ANKMY1: variants seen among roughly 807,000 people sequenced by gnomAD.
ANKMY1 encodes the protein ankyrin repeat and MYND domain-containing protein 1.
Under a neutral mutation model 102.0 loss-of-function variants are expected in ANKMY1, and 98 were observed. That is an observed-to-expected ratio of 0.96 (90% confidence interval 0.82 to 1.14). The LOEUF (loss-of-function observed/expected upper bound fraction) is 1.14, where lower values mean the gene tolerates loss of function less well. Among genes scored for constraint, ANKMY1 ranks in the 50% most tolerant of loss-of-function variants. The probability of loss-of-function intolerance (pLI) is 0.00; values close to 1 mark genes in which losing one functional copy is unlikely to be tolerated. For synonymous variants in ANKMY1, 582 were observed against 559.9 expected (o/e 1.04, Z -0.56); for missense variants, 1,330 against 1,347.6 (o/e 0.99, Z 0.20).
chr2:240,521,128 AG>A (rs1412426121), intron 8 of ANKMY1, among the ~76,000 whole-genome samples: 1 of 146,980 alleles, frequency 6.8e-6, no homozygotes, highest in Non-Finnish European at 1.5e-5. Context: ...CGCAGGGCTG[AG>A]GGAGGAGGGG....
At chr2:240,482,046 C>T in intron 16 of ANKMY1, 137 bp downstream of exon 16, 2 of 926,168 alleles carry the variant, frequency 2.2e-6, no homozygotes. Flanking sequence ...GCAGGACTTC[C>T]TAGAGGAGGC....
intron 10 of ANKMY1, 42 bp downstream of exon 10, chr2:240,512,760 G>A: frequency 1.9e-6 from 3 of 1,576,910 alleles, no homozygotes; most frequent in Non-Finnish European, 2.6e-6. Flanking sequence ...AGGCACACCT[G>A]GCCAAGGCCC....
rs1374980450 is a variant in ANKMY1, at chr2:240,479,547, G to A, written c.*62C>T. On this transcript the variant is annotated 3_prime_UTR_variant, in exon 18 of 18. Transcript: ENST00000401804. ...CTGGAAGATTCCCTGAGGTGGCTCA[G>A]GCAGGTAAGAAACCCACACAGTCCT... The A allele has an allele frequency of 1.3e-6, 2 of 1,576,060 alleles. No homozygotes were observed. The highest frequency in any genetic ancestry group is 1.7e-6 in the Non-Finnish European group (2 of 1,146,950).
chr2:240,512,370 A>G (rs1252414248), intron 10 of ANKMY1, among the ~76,000 whole-genome samples: 1 of 152,218 alleles, frequency 6.6e-6, no homozygotes, highest in Non-Finnish European at 1.5e-5. Flanking sequence ...GAAGGAAGAC[A>G]TGGCCTTGCG....
At chr2:240,545,233 C>A (rs1206120862) in intron 4 of ANKMY1, among the ~76,000 whole-genome samples, 2 of 152,156 alleles carry the variant, frequency 1.3e-5, no homozygotes, top group Non-Finnish European at 2.9e-5. Context: ...CTGGGAGGCA[C>A]CCCCCAGCAG....
At chr2:240,494,018 C>T (rs897906043) in intron 15 of ANKMY1, among the ~76,000 whole-genome samples, 4 of 152,110 alleles carry the variant, frequency 2.6e-5, no homozygotes, top group African/African-American at 9.7e-5. Context: ...TCCAGGCCTG[C>T]AAGTGGTGCT....
At position 240,529,389 on chromosome 2, in the gene ANKMY1, C is replaced by T. The variant is rs766477062; in HGVS notation, c.601G>A (p.Gly201Ser). The T allele has an allele frequency of 4.6e-5, 75 of 1,614,016 alleles. No individual in the cohort carries two copies. The highest frequency in any genetic ancestry group is 6.0e-5 in the Non-Finnish European group (71 of 1,180,048). Residue 201 changes from glycine to serine, a missense_variant, in exon 5 of 18, where the codon GGC becomes AGC. Transcript: ENST00000401804. The surrounding 1 kb of genome is among the most constrained non-coding windows in gnomAD (Gnocchi z 4.2). Reference protein sequence around the residue: ...LIKLCTQIPSGFSLLRYPEFS... With the variant: ...LIKLCTQIPSSFSLLRYPEFS... ...TCAGGGTATCTGAGGAGGGAGAAGC[C>T]ACTGGGGATCTGGGTGCACAGCTTG...
chr2:240,552,027 C>A (rs897668451), intron 4 of ANKMY1, among the ~76,000 whole-genome samples: 1 of 152,222 alleles, frequency 6.6e-6, no homozygotes, highest in Non-Finnish European at 1.5e-5. Flanking sequence ...CTTTGTTCAC[C>A]GTGACTGCTT....
intron 13 of ANKMY1, among the ~76,000 whole-genome samples, chr2:240,505,567 G>A (rs567140233): frequency 9.9e-5 from 15 of 152,244 alleles, no homozygotes; most frequent in Admixed American, 4.6e-4. Context: ...GAAGAGAAAC[G>A]TGTCCATTGG....
chr2:240,483,778 T>C (rs2075726622), intron 15 of ANKMY1, among the ~76,000 whole-genome samples: 1 of 152,202 alleles, frequency 6.6e-6, no homozygotes, highest in South Asian at 2.1e-4. Context: ...AGTGGTTTGC[T>C]GCACCCATCA....
At chr2:240,483,348 G>A (rs548385997) in intron 15 of ANKMY1, among the ~76,000 whole-genome samples, 8 of 152,012 alleles carry the variant, frequency 5.3e-5, no homozygotes, top group Non-Finnish European at 1.0e-4. Flanking sequence ...GTAGAGACAG[G>A]GTTTCACCGT....
At chr2:240,484,656 G>A (rs2151869606) in intron 15 of ANKMY1, among the ~76,000 whole-genome samples, 1 of 152,262 alleles carries the variant, frequency 6.6e-6, no homozygotes, top group South Asian at 2.1e-4. Flanking sequence ...AAGACTTCAT[G>A]ACTAAAACAC....
intron 15 of ANKMY1, among the ~76,000 whole-genome samples, chr2:240,485,829 A>AGCGT (rs2075997805): frequency 1.3e-5 from 2 of 152,258 alleles, no homozygotes; most frequent in Non-Finnish European, 2.9e-5. Context: ...CTGGGCTCAA[A>AGCGT]TAATTCTTCT....
Position 240,544,673 on chromosome 2 carries a change from G to A in ANKMY1, c.480+8241C>T, listed in dbSNP as rs867450635. Among the ~76,000 whole-genome samples, 24 of 151,894 alleles carry A rather than the reference G, an allele frequency of 1.6e-4. 1 individual carries two copies. The highest frequency in any genetic ancestry group is 6.2e-4 in the South Asian group (3 of 4,822). Reference sequence around the variant, plus strand: ...CGCGCACTGTGCGCAAGCCGAAGCCGGGCGAGGCATTGCCTCACTCAGGAA... The same window carrying A: ...CGCGCACTGTGCGCAAGCCGAAGCCAGGCGAGGCATTGCCTCACTCAGGAA... On this transcript the variant is annotated intron_variant, in intron 4 of 17. Coordinates refer to ENST00000401804, the MANE Select transcript of ANKMY1 (RefSeq NM_001282771.3).
chr2:240,470,894 G>C, the ANKMY1 span, among the ~76,000 whole-genome samples: 1 of 152,186 alleles, frequency 6.6e-6, no homozygotes, highest in Non-Finnish European at 1.5e-5. Flanking sequence ...AAAACAAAGT[G>C]AGAGGCTTCA....
chr2:240,499,873 G>T lies in ANKMY1; in HGVS notation c.2806+85C>A. On this transcript the variant is annotated intron_variant, in intron 15 of 17. Transcript: ENST00000401804. The surrounding 1 kb of genome is among the most constrained non-coding windows in gnomAD (Gnocchi z 4.2). ...AAGGCCCCTCCAAGAGCCCCAGGGG[G>T]TCCAGATCTCCAGGGATAACAGCCC... 2.0e-6 allele frequency: 3 copies of T among 1,468,830 alleles called. No individual in the cohort carries two copies. Among genetic ancestry groups the T allele is most frequent in the Non-Finnish European group, 2.7e-6 (3 of 1,100,032 alleles). The allele number at this position is 1,468,830 out of a possible 1,614,324, so 91.0% of individuals were successfully genotyped here.
chr2:240,529,427 C>G lies in ANKMY1; in HGVS notation c.563G>C (p.Arg188Pro), dbSNP rs752810908. 1.4e-5 allele frequency: 23 copies of G among 1,613,970 alleles called. No homozygotes were observed. The highest frequency in any genetic ancestry group is 1.9e-5 in the Non-Finnish European group (23 of 1,180,026). ...GGTGCACAGCTTGATGAGCTGCTCT[C>G]GGAACCACAGCCCCACGTCCTGGCT... Reference protein sequence around the residue: ...DGSQDVGLWFREQLIKLCTQI... With the variant: ...DGSQDVGLWFPEQLIKLCTQI... The change falls in exon 5 of 18, where the codon CGA becomes CCA. Residue 188 changes from arginine to proline, a missense_variant. Coordinates refer to ENST00000401804, the MANE Select transcript of ANKMY1 (RefSeq NM_001282771.3). The surrounding 1 kb of genome is among the most constrained non-coding windows in gnomAD (Gnocchi z 4.2).
At chr2:240,496,628 G>A (rs914799972) in intron 15 of ANKMY1, among the ~76,000 whole-genome samples, 3 of 152,160 alleles carry the variant, frequency 2.0e-5, no homozygotes, top group Non-Finnish European at 2.9e-5. Flanking sequence ...AAGCTTCTGA[G>A]GTTCCTTCTC....
chr2:240,508,323 G>T (rs2079469295), intron 12 of ANKMY1, among the ~76,000 whole-genome samples: 1 of 152,266 alleles, frequency 6.6e-6, no homozygotes, highest in Non-Finnish European at 1.5e-5. Flanking sequence ...ACAGGGCCTA[G>T]CCCTGAGCAG....
Sources: gnomAD v4.1 joint callset for allele counts (sites outside exome capture counted in the v4.1 genomes callset) on GRCh38, gnomAD v4.1.1 for gene constraint, Gnocchi (gnomAD v3.1) non-coding constraint, MANE v1.5 for transcripts, NCBI Gene and HGNC (gene_info 2026-07-23, HGNC 2026-07-21) for gene names.